GAS6: variants seen among roughly 807,000 people sequenced by gnomAD.
The protein encoded by GAS6 is growth arrest specific 6, also known as growth arrest-specific protein 6.
Under a neutral mutation model 75.8 loss-of-function variants are expected in GAS6, and 41 were observed. The ratio of observed to expected loss-of-function variants is 0.54; its 90% CI spans 0.42 to 0.70. The LOEUF is 0.70. GAS6 is among the 30% of genes least tolerant of loss of function. GAS6 has a pLI of 0.00. For missense variants in GAS6, 854 were observed against 940.2 expected (o/e 0.91, Z 1.20); for synonymous variants, 432 against 412.6 (o/e 1.05, Z -0.57).
chr13:113,843,071 A>G lies in GAS6; in HGVS notation c.344-3221T>C, dbSNP rs1485372286. ...GGTGGACAGTCAGCCGGTGCCCAGC[A>G]AATATCTGTGGAATTTCCTCCACAC... On this transcript the variant is annotated intron_variant, in intron 4 of 14. Coordinates refer to ENST00000327773, the MANE Select transcript of GAS6 (RefSeq NM_000820.4). 6.5e-5 allele frequency: 25 copies of G among 385,766 alleles called. No individual in the cohort carries two copies. In the East Asian group the frequency reaches 9.1e-4, roughly 14 times the overall value. The allele number at this position is 385,766 out of a possible 1,614,324, so 23.9% of individuals were successfully genotyped here. A position where few individuals can be genotyped will look rare whatever the true frequency, so the allele number is the denominator to read the frequency against.
chr13:113,850,512 G>A (rs551675502), intron 2 of GAS6, among the ~76,000 whole-genome samples: 10 of 152,124 alleles, frequency 6.6e-5, no homozygotes, highest in South Asian at 2.1e-4. Context: ...TCCTTTCCCC[G>A]GGGATCTGCT....
At chr13:113,831,184 G>A (rs1292248408) in intron 10 of GAS6, among the ~76,000 whole-genome samples, 2 of 152,216 alleles carry the variant, frequency 1.3e-5, no homozygotes, top group Non-Finnish European at 2.9e-5. Context: ...GCCCACAGCT[G>A]CCCAAGTGCA....
chr13:113,838,008 A>G (rs1375152662), intron 6 of GAS6, 61 bp downstream of exon 6: 4 of 1,595,838 alleles, frequency 2.5e-6, no homozygotes, highest in Non-Finnish European at 2.6e-6. Context: ...AAGAGCAGAC[A>G]TGACCGAAAA....
intron 12 of GAS6, among the ~76,000 whole-genome samples, chr13:113,823,942 C>T (rs561098246): frequency 5.9e-5 from 9 of 152,356 alleles, no homozygotes; most frequent in South Asian, 2.1e-4. Flanking sequence ...CCTCGTGCCT[C>T]GCATCTCACC....
chr13:113,821,892 TG>T, intron 14 of GAS6, 65 bp downstream of exon 14: 1 of 1,298,982 alleles, frequency 7.7e-7, no homozygotes, highest in Middle Eastern at 2.7e-4. Context: ...AGGTTAGATC[TG>T]GGGTGACCAA....
chr13:113,863,098 C>G lies in GAS6; in HGVS notation c.255+477G>C, dbSNP rs1056617585. Among the ~76,000 whole-genome samples, 1 of 152,180 alleles carries G rather than the reference C, an allele frequency of 6.6e-6. No homozygotes were observed. The highest frequency in any genetic ancestry group is 1.5e-5 in the Non-Finnish European group (1 of 68,020). ...CGCCCTCCCCTCCCGCATGCGGCCC[C>G]GCTCGATTCCTGGAATCTTATTTTT... On this transcript the variant is annotated intron_variant, in intron 2 of 14. Coordinates refer to ENST00000327773, the MANE Select transcript of GAS6 (RefSeq NM_000820.4). The surrounding 1 kb of genome is among the most constrained non-coding windows in gnomAD (Gnocchi z 9.4).
intron 10 of GAS6, among the ~76,000 whole-genome samples, chr13:113,829,920 C>T (rs1043455674): frequency 1.6e-4 from 25 of 151,822 alleles, no homozygotes; most frequent in African/African-American, 5.8e-4. Context: ...AGGTCCCAAT[C>T]TCAGGGAGAC....
chr13:113,829,966 C>T (rs533272219), intron 10 of GAS6, among the ~76,000 whole-genome samples: 11 of 151,200 alleles, frequency 7.3e-5, no homozygotes, highest in Non-Finnish European at 1.6e-4. Flanking sequence ...GGGACCTGAC[C>T]TCAAGGAGAC....
In GAS6 at chr13:113,822,096, T is replaced by C; in HGVS notation, c.1744A>G (p.Arg582Gly). 6.3e-7 allele frequency: 1 copy of C among 1,599,218 alleles called. No individual in the cohort carries two copies. Among genetic ancestry groups the C allele is most frequent in the East Asian group, 2.3e-5 (1 of 44,332 alleles). Residue 582 changes from arginine (R) to glycine (G), a missense_variant, in exon 14 of 15, where the codon AGG becomes GGG. Arg to Gly is a moderately radical substitution (Grantham distance 125). Transcript: ENST00000327773. ...ACCTCCAGGGTGGCCTCACCGTCCC[T>C]CAGCGAGACGGTGACCACGTGCTCT... Reference protein sequence around the residue: ...GQEHVVTVSLRDGEATLEVDG... With the variant: ...GQEHVVTVSLGDGEATLEVDG...
At chr13:113,858,962 G>A (rs1449761770) in intron 2 of GAS6, among the ~76,000 whole-genome samples, 2 of 143,738 alleles carry the variant, frequency 1.4e-5, no homozygotes, top group Non-Finnish European at 3.1e-5. Flanking sequence ...GTACATGTCT[G>A]TGTGACTGTA....
rs576316759 is a variant in GAS6, at chr13:113,844,226, C to T, written c.343+2301G>A. ...AGCAAGAGATTCTCTTCCTATCACA[C>T]AGGGAACAAACTCAAGGATCTTGAC... is the stretch of plus-strand genomic sequence containing the variant. On this transcript the variant is annotated intron_variant, in intron 4 of 14. Transcript: ENST00000327773. The surrounding 1 kb of genome is among the most constrained non-coding windows in gnomAD (Gnocchi z 5.7). The T allele has an allele frequency of 2.7e-5, 4 of 150,916 alleles. No individual in the cohort carries two copies. The South Asian group carries it at 8.3e-4, about 31-fold the overall frequency. 9.3% of individuals were successfully genotyped at this position (150,916 alleles called of 1,614,324 possible). A position where few individuals can be genotyped will look rare whatever the true frequency, so the allele number is the denominator to read the frequency against.
chr13:113,836,112 G>A (rs985846708), intron 6 of GAS6: 52 of 963,156 alleles, frequency 5.4e-5, no homozygotes, highest in Non-Finnish European at 6.0e-5. Context: ...TGCTGTTTAC[G>A]GCCAAGCACC....
At chr13:113,833,945 G>T (rs377409324) in intron 8 of GAS6, among the ~76,000 whole-genome samples, 9 of 146,710 alleles carry the variant, frequency 6.1e-5, no homozygotes, top group South Asian at 2.2e-4. Context: ...GACAGGCCCC[G>T]GTGTGACAGG....
At chr13:113,825,222 G>A (rs998046026) in intron 12 of GAS6, among the ~76,000 whole-genome samples, 3 of 96,510 alleles carry the variant, frequency 3.1e-5, no homozygotes, top group Non-Finnish European at 3.8e-5. Context: ...CAACAAAGGC[G>A]AAACTCCGTC....
Position 113,863,365 on chromosome 13 carries a change from A to G in GAS6, c.255+210T>C, listed in dbSNP as rs2138671476. On this transcript the variant is annotated intron_variant, in intron 2 of 14. Coordinates refer to ENST00000327773, the MANE Select transcript of GAS6 (RefSeq NM_000820.4). The surrounding 1 kb of genome is among the most constrained non-coding windows in gnomAD (Gnocchi z 9.4). ...GTCTGACAGCGAGCGTTTCCCGGAC[A>G]GCCCCGCAGCGTCTCACCGGCCTGC... is the stretch of plus-strand genomic sequence containing the variant. 6.6e-6 allele frequency among the ~76,000 whole-genome samples: 1 copy of G among 152,202 alleles called. No individual in the cohort carries two copies. Among genetic ancestry groups the G allele is most frequent in the South Asian group, 2.1e-4 (1 of 4,828 alleles).
intron 3 of GAS6, chr13:113,847,063 C>T (rs369025573): frequency 1.8e-4 from 89 of 496,288 alleles, no homozygotes; most frequent in Non-Finnish European, 2.6e-4. Flanking sequence ...CGGGGGGAGG[C>T]GAGGCCTGGC....
Position 113,820,988 on chromosome 13 carries a change from G to T in GAS6, c.1913C>A (p.Ala638Glu). Residue 638 changes from alanine (A) to glutamate (E), a missense_variant, in exon 15 of 15, where the codon GCG becomes GAG. Transcript: ENST00000327773. ...DVPVTSAPVTAFYRGCMTLEV... is the reference protein window; with the variant it reads ...DVPVTSAPVTEFYRGCMTLEV... ...CAGTGTCATGCAGCCGCGGTAGAAC[G>T]CGGTGACTGGCGCTGAAGTCACCGG... The T allele has an allele frequency of 6.2e-7, 1 of 1,612,648 alleles. No individual in the cohort carries two copies. The highest frequency in any genetic ancestry group is 1.1e-5 in the South Asian group (1 of 91,072).
intron 11 of GAS6, 62 bp downstream of exon 11, chr13:113,828,485 T>C: frequency 6.5e-7 from 1 of 1,547,850 alleles, no homozygotes; most frequent in Non-Finnish European, 8.8e-7. Context: ...TGAGGCTTCC[T>C]GACACCGTTC....
intron 13 of GAS6, chr13:113,822,422 C>G (rs1418740416): frequency 2.3e-6 from 1 of 440,018 alleles, no homozygotes; most frequent in Non-Finnish European, 4.0e-6. Context: ...TGTGGGGGAA[C>G]AAGTGTGGCC....
Sources: gnomAD v4.1 joint callset for allele counts (sites outside exome capture counted in the v4.1 genomes callset) on GRCh38, gnomAD v4.1.1 for gene constraint, Gnocchi (gnomAD v3.1) non-coding constraint, MANE v1.5 for transcripts, NCBI Gene and HGNC (gene_info 2026-07-23, HGNC 2026-07-21) for gene names.